The following TYW1B variants were observed in gnomAD, a reference collection of about 807,000 sequenced individuals.
TYW1B encodes the protein tRNA-yW synthesizing protein 1 homolog B, also known as S-adenosyl-L-methionine-dependent tRNA 4-demethylwyosine synthase TYW1B.
Under a neutral mutation model 86.9 loss-of-function variants are expected in TYW1B, and 73 were observed. That is an observed-to-expected ratio of 0.84 (90% CI 0.70 to 1.02). The LOEUF (loss-of-function observed/expected upper bound fraction) is 1.02. Ranked by LOEUF, TYW1B falls within the 50% of genes least tolerant of loss-of-function variation. TYW1B has a pLI of 0.00. For synonymous variants in TYW1B, 248 were observed against 292.8 expected (o/e 0.85, Z 1.56); for missense variants, 637 against 827.4 (o/e 0.77, Z 2.82).
intron 2 of TYW1B, among the ~76,000 whole-genome samples, chr7:72,816,161 G>C (rs1370482367): frequency 6.6e-6 from 1 of 152,176 alleles, no homozygotes; most frequent in Admixed American, 6.6e-5. Flanking sequence ...TGGATCACTT[G>C]AAGTCAGGAA....
At chr7:72,708,618 T>C (rs1192126640) in intron 10 of TYW1B, among the ~76,000 whole-genome samples, 1 of 152,212 alleles carries the variant, frequency 6.6e-6, no homozygotes, top group Non-Finnish European at 1.5e-5. Context: ...TATTAGTTAA[T>C]CTACAGCCTT....
At chr7:72,673,182 T>C (rs1488838538) in intron 11 of TYW1B, among the ~76,000 whole-genome samples, 241 of 152,266 alleles carry the variant, frequency 1.6e-3, no homozygotes, top group Non-Finnish European at 2.8e-3. Context: ...AATAAAAAGA[T>C]CCACAAATAA....
At chr7:72,754,778 G>A (rs1461695860) in intron 7 of TYW1B, among the ~76,000 whole-genome samples, 7 of 151,958 alleles carry the variant, frequency 4.6e-5, no homozygotes, top group Admixed American at 1.3e-4. Flanking sequence ...ATTATAAGAT[G>A]GTGCAAATAG....
chr7:72,765,904 A>G (rs1372221941), intron 7 of TYW1B, among the ~76,000 whole-genome samples: 3 of 152,234 alleles, frequency 2.0e-5, no homozygotes, highest in African/African-American at 7.2e-5. Flanking sequence ...TTCACACTGT[A>G]AACAACTTTC....
At chr7:72,732,182 T>C (rs1265119545) in intron 8 of TYW1B, among the ~76,000 whole-genome samples, 4 of 152,124 alleles carry the variant, frequency 2.6e-5, no homozygotes, top group Non-Finnish European at 4.4e-5. Context: ...ACTACCATAA[T>C]AGTCGGGGGC....
At chr7:72,729,802 A>T (rs1214527926) in intron 8 of TYW1B, among the ~76,000 whole-genome samples, 1 of 152,078 alleles carries the variant, frequency 6.6e-6, no homozygotes, top group Non-Finnish European at 1.5e-5. Flanking sequence ...ACCACTGAAG[A>T]CACTACCCCC....
chr7:72,717,700 C>T (rs1325312453), intron 9 of TYW1B, among the ~76,000 whole-genome samples: 1 of 151,940 alleles, frequency 6.6e-6, no homozygotes, highest in East Asian at 1.9e-4. Flanking sequence ...CTCTCTCTTC[C>T]TCCTACACCT....
intron 6 of TYW1B, among the ~76,000 whole-genome samples, chr7:72,788,785 A>G (rs1788171046): frequency 6.6e-6 from 1 of 151,882 alleles, no homozygotes; most frequent in East Asian, 1.9e-4. Flanking sequence ...TGCCTGCCTC[A>G]GCCTCCCAAA....
intron 12 of TYW1B, among the ~76,000 whole-genome samples, chr7:72,623,622 G>A (rs1812277688): frequency 6.6e-6 from 1 of 152,000 alleles, no homozygotes; most frequent in African/African-American, 2.4e-5. Flanking sequence ...TTTTCTTCCA[G>A]CTCCAAGAGT....
chr7:72,743,742 G>A (rs1375753766), intron 8 of TYW1B, among the ~76,000 whole-genome samples: 1 of 151,634 alleles, frequency 6.6e-6, no homozygotes, highest in Non-Finnish European at 1.5e-5. Flanking sequence ...TACTTGGGAG[G>A]CTGAGGCAGG....
At chr7:72,625,371 C>G (rs145856826) in intron 12 of TYW1B, among the ~76,000 whole-genome samples, 3 of 152,260 alleles carry the variant, frequency 2.0e-5, no homozygotes, top group Admixed American at 6.5e-5. Context: ...GTAATCCCAG[C>G]ACTTTGGGAG....
chr7:72,579,555 G>A (rs1392756932), intron 13 of TYW1B, among the ~76,000 whole-genome samples: 1 of 152,208 alleles, frequency 6.6e-6, no homozygotes, highest in Non-Finnish European at 1.5e-5. Flanking sequence ...CTGTCTTGCA[G>A]GTGGCTGCCT....
intron 10 of TYW1B, among the ~76,000 whole-genome samples, chr7:72,704,817 G>T (rs1262013296): frequency 6.6e-6 from 1 of 152,092 alleles, no homozygotes; most frequent in African/African-American, 2.4e-5. Context: ...AAAGACACCA[G>T]GAGATCCAGT....
chr7:72,685,582 T>C (rs1396818739), intron 11 of TYW1B, among the ~76,000 whole-genome samples: 1 of 146,170 alleles, frequency 6.8e-6, no homozygotes, highest in African/African-American at 2.5e-5. Flanking sequence ...TTTCAACAAA[T>C]AGTGCTGGAA....
chr7:72,694,538 A>C (rs1554451032), intron 11 of TYW1B, 149 bp downstream of exon 11: 11 of 1,234,176 alleles, frequency 8.9e-6, no homozygotes, highest in Non-Finnish European at 1.1e-6. Flanking sequence ...GAAGTCTCTA[A>C]AAAGTTGAAC....
chr7:72,818,825 T>G (rs1195391247), intron 2 of TYW1B, among the ~76,000 whole-genome samples: 1 of 151,878 alleles, frequency 6.6e-6, no homozygotes, highest in East Asian at 1.9e-4. Flanking sequence ...CCAGATCTCA[T>G]GAGAACTCAC....
At chr7:72,745,982 G>A (rs1342870857) in intron 7 of TYW1B, among the ~76,000 whole-genome samples, 3 of 151,564 alleles carry the variant, frequency 2.0e-5, no homozygotes, top group African/African-American at 7.3e-5. Flanking sequence ...TCCTGCCTCA[G>A]TCTACCAAGT....
chr7:72,606,435 G>A (rs1554434865), intron 13 of TYW1B, among the ~76,000 whole-genome samples: 1 of 152,076 alleles, frequency 6.6e-6, no homozygotes, highest in African/African-American at 2.4e-5. Flanking sequence ...GGTGAGTGGG[G>A]AATCCTGCCC....
intron 10 of TYW1B, among the ~76,000 whole-genome samples, chr7:72,703,025 TA>T (rs1323577270): frequency 0.17 from 1,577 of 9,208 alleles, 47 homozygotes; most frequent in African/African-American, 0.23. Context: ...TATATATATA[TA>T]TTTTTTTTTT....
Sources: allele counts gnomAD v4.1 joint callset (sites outside exome capture counted in the v4.1 genomes callset), GRCh38; gene constraint gnomAD v4.1.1; transcripts MANE v1.5; gene names NCBI Gene and HGNC (gene_info 2026-07-23, HGNC 2026-07-21).